The following NRG2 variants were observed in gnomAD, a reference collection of about 807,000 sequenced individuals.
NRG2 encodes the protein pro-neuregulin-2, membrane-bound isoform.
Under a neutral mutation model 73.9 loss-of-function variants are expected in NRG2, and 27 were observed. That is an observed-to-expected ratio of 0.37 (90% CI 0.27 to 0.50). The LOEUF (loss-of-function observed/expected upper bound fraction) is 0.50. Among genes scored for constraint, NRG2 ranks in the 20% least tolerant of loss-of-function variants. The pLI is 0.96. For synonymous variants in NRG2, 532 were observed against 541.0 expected, an observed-to-expected ratio of 0.98 and a Z score of 0.23; for missense variants, 1,126 against 1,210.1, an observed-to-expected ratio of 0.93 and a Z score of 1.03.
At chr5:139,972,995 T>C (rs2126536724) in intron 1 of NRG2, among the ~76,000 whole-genome samples, 1 of 152,160 alleles carries the variant, frequency 6.6e-6, no homozygotes, top group Non-Finnish European at 1.5e-5. Context: ...AAAAGAACAT[T>C]GGTGAGTGTG....
At chr5:139,921,514 A>G (rs906514589) in intron 1 of NRG2, among the ~76,000 whole-genome samples, 2 of 152,230 alleles carry the variant, frequency 1.3e-5, no homozygotes, top group African/African-American at 4.8e-5. Context: ...CTTTACACCC[A>G]GCGGTGCTGG....
chr5:140,021,691 C>T (rs1247103689), intron 1 of NRG2, among the ~76,000 whole-genome samples: 1 of 152,200 alleles, frequency 6.6e-6, no homozygotes, highest in Non-Finnish European at 1.5e-5. Context: ...GCAACAAGGA[C>T]AATGAGAACT....
In NRG2 at chr5:139,930,668, C is replaced by T. The variant is rs1752408369; in HGVS notation, c.701-43157G>A. ...GTTGCTATTCCAACTCATGGCTCCA[C>T]TTGGCAAAAATGGCTGAGGAAAATC... On this transcript the variant is annotated intron_variant, in intron 1 of 9. Transcript: ENST00000361474. 2.0e-5 allele frequency among the ~76,000 whole-genome samples: 3 copies of T among 152,314 alleles called. No homozygotes were observed. In the South Asian group the frequency reaches 6.2e-4, roughly 32 times the overall value.
chr5:139,879,379 C>T (rs749832690), intron 3 of NRG2, among the ~76,000 whole-genome samples: 29 of 152,262 alleles, frequency 1.9e-4, no homozygotes, highest in East Asian at 7.7e-4. Context: ...CTGGGAGAGA[C>T]GCTGCAGTGG....
intron 1 of NRG2, among the ~76,000 whole-genome samples, chr5:140,037,214 C>T (rs759584839): frequency 6.6e-6 from 1 of 152,202 alleles, no homozygotes; most frequent in Non-Finnish European, 1.5e-5. Flanking sequence ...TGATCTCCCA[C>T]ATGGACTCTA....
intron 1 of NRG2, among the ~76,000 whole-genome samples, chr5:139,952,647 G>C (rs960706512): frequency 6.6e-6 from 1 of 152,170 alleles, no homozygotes; most frequent in Non-Finnish European, 1.5e-5. Context: ...CAGCCTGCTC[G>C]CCCTACCACG....
intron 1 of NRG2, among the ~76,000 whole-genome samples, chr5:140,028,864 A>G (rs1760908722): frequency 1.3e-5 from 2 of 152,188 alleles, no homozygotes; most frequent in East Asian, 3.9e-4. Flanking sequence ...CTAAGAGACA[A>G]TAGAGCTTTT....
In NRG2 at chr5:140,013,921, G is replaced by A. The variant is rs1006511659; in HGVS notation, c.700+28449C>T. Among the ~76,000 whole-genome samples, 8 of 152,050 alleles carry A rather than the reference G, an allele frequency of 5.3e-5. 1 individual carries two copies. Among genetic ancestry groups the A allele is most frequent in the East Asian group, 3.8e-4 (2 of 5,200 alleles). ...CCTCACTAGTCACTTTTTCTCAGTC[G>A]TCTTTTCTGGCTTCTTCTCTTCTCT... On this transcript the variant is annotated intron_variant, in intron 1 of 9. Coordinates refer to ENST00000361474, the MANE Select transcript of NRG2 (RefSeq NM_004883.3).
At chr5:139,885,624 G>A (rs183106828) in intron 2 of NRG2, among the ~76,000 whole-genome samples, 1 of 152,244 alleles carries the variant, frequency 6.6e-6, no homozygotes, top group Non-Finnish European at 1.5e-5. Context: ...GAGAAAAAAA[G>A]TCACGGGCGT....
chr5:139,884,876 G>A (rs1011382125), intron 2 of NRG2, among the ~76,000 whole-genome samples: 12 of 152,144 alleles, frequency 7.9e-5, no homozygotes, highest in Non-Finnish European at 1.0e-4. Context: ...AGGAAGGCTC[G>A]AGGCAGGGAG....
chr5:139,907,331 T>C (rs779555344), intron 1 of NRG2, among the ~76,000 whole-genome samples: 1 of 152,194 alleles, frequency 6.6e-6, no homozygotes, highest in Non-Finnish European at 1.5e-5. Context: ...GATCCTCTGC[T>C]TCCTGAATTC....
At position 139,887,244 on chromosome 5, in the gene NRG2, G is replaced by A; in HGVS notation, c.872+96C>T. On this transcript the variant is annotated intron_variant, in intron 2 of 9. Coordinates refer to ENST00000361474, the MANE Select transcript of NRG2 (RefSeq NM_004883.3). The surrounding 1 kb of genome is among the most constrained non-coding windows in gnomAD (Gnocchi z 4.5). ...GGGACTGGTTCCATGGGTGAGTCTG[G>A]GGGCACAGCCCTGGCCTCTGCCCAG... 7.0e-7 allele frequency: 1 copy of A among 1,420,442 alleles called. No homozygotes were observed. The highest frequency in any genetic ancestry group is 1.7e-5 in the Admixed American group (1 of 57,182). The allele number at this position is 1,420,442 out of a possible 1,614,324, so 88.0% of individuals were successfully genotyped here.
chr5:139,879,892 A>G (rs755307646), intron 3 of NRG2, among the ~76,000 whole-genome samples: 6 of 152,196 alleles, frequency 3.9e-5, no homozygotes, highest in Non-Finnish European at 8.8e-5. Context: ...TCACCAGGAC[A>G]GGAAGACAGG....
At position 139,876,319 on chromosome 5, in the gene NRG2, G is replaced by A. The variant is rs1230059845; in HGVS notation, c.992-4478C>T. Among the ~76,000 whole-genome samples, 6 of 152,140 alleles carry A rather than the reference G, an allele frequency of 3.9e-5. No individual in the cohort carries two copies. The South Asian group carries it at 8.3e-4, about 21-fold the overall frequency. Reference sequence around the variant, plus strand: ...GAAATGTCCAGAATTAGTGGTTGCCGGGGCTGGAGAGGGGGAGAAATGGGA... The same window carrying A: ...GAAATGTCCAGAATTAGTGGTTGCCAGGGCTGGAGAGGGGGAGAAATGGGA... On this transcript the variant is annotated intron_variant, in intron 3 of 9. Transcript: ENST00000361474.
At chr5:139,959,055 G>T (rs1754860344) in intron 1 of NRG2, among the ~76,000 whole-genome samples, 1 of 152,192 alleles carries the variant, frequency 6.6e-6, no homozygotes, top group Non-Finnish European at 1.5e-5. Context: ...CAGGGCCTGT[G>T]GACCTCTCTG....
chr5:139,923,262 T>C (rs1367061085), intron 1 of NRG2, among the ~76,000 whole-genome samples: 1 of 152,072 alleles, frequency 6.6e-6, no homozygotes, highest in Non-Finnish European at 1.5e-5. Flanking sequence ...TTAAAACTGC[T>C]CTAAAAAAAA....
At chr5:139,892,168 G>A (rs187384271) in intron 1 of NRG2, among the ~76,000 whole-genome samples, 8 of 152,308 alleles carry the variant, frequency 5.3e-5, no homozygotes, top group African/African-American at 1.4e-4. Context: ...AGCAGCTCAG[G>A]TGGCAGGAAA....
At chr5:140,014,613 G>C (rs958264698) in intron 1 of NRG2, among the ~76,000 whole-genome samples, 4 of 152,000 alleles carry the variant, frequency 2.6e-5, no homozygotes, top group Admixed American at 6.6e-5. Context: ...GGCCTTATCT[G>C]TTAAAAATAT....
intron 3 of NRG2, 63 bp downstream of exon 3, chr5:139,880,793 G>A: frequency 7.8e-7 from 1 of 1,285,610 alleles, no homozygotes; most frequent in African/African-American, 1.5e-5. Context: ...CAAGGGCTGG[G>A]GGGCCACTGG....
Sources: gnomAD v4.1 joint callset for allele counts (sites outside exome capture counted in the v4.1 genomes callset) on GRCh38, gnomAD v4.1.1 for gene constraint, Gnocchi (gnomAD v3.1) non-coding constraint, MANE v1.5 for transcripts, NCBI Gene and HGNC (gene_info 2026-07-23, HGNC 2026-07-21) for gene names.